Variants in PIK3C2A observed in about 807,000 individuals in gnomAD.
PIK3C2A encodes the protein phosphatidylinositol 4-phosphate 3-kinase C2 domain-containing subunit alpha.
PIK3C2A carries 97 observed loss-of-function variants against 204.5 expected under a neutral mutation model. That is an observed-to-expected ratio of 0.47 (90% confidence interval 0.40 to 0.56). The LOEUF is 0.56. Ranked by LOEUF, PIK3C2A falls within the 20% of genes least tolerant of loss-of-function variation. PIK3C2A has a pLI of 0.00. For synonymous variants in PIK3C2A, 653 were observed against 664.4 expected (o/e 0.98, Z 0.26); for missense variants, 1,735 against 1,969.2 (o/e 0.88, Z 2.25).
At chr11:17,201,538 A>G (rs1410294314) in intron 1 of PIK3C2A, among the ~76,000 whole-genome samples, 1 of 32,596 alleles carries the variant, frequency 3.1e-5, no homozygotes, top group African/African-American at 1.2e-4. Flanking sequence ...AAAAAAAAAA[A>G]AAAAAGAAAA....
At chr11:17,198,176 T>A (rs532447650) in intron 1 of PIK3C2A, among the ~76,000 whole-genome samples, 2 of 151,296 alleles carry the variant, frequency 1.3e-5, no homozygotes, top group East Asian at 3.9e-4. Flanking sequence ...TGGCACAGTC[T>A]CCGCTCATTG....
At position 17,122,820 on chromosome 11, in the gene PIK3C2A, G is replaced by A. The variant is rs200078892; in HGVS notation, c.2400-7C>T. ...AGTTCCACATGTTAAAAACCTTCAC[G>A]GATGTAAAAATAATAATGTGATTTT... On this transcript the variant is annotated splice_region_variant and splice_polypyrimidine_tract_variant and intron_variant, in intron 13 of 32. Transcript: ENST00000691414. 1.4e-5 allele frequency: 15 copies of A among 1,090,814 alleles called. No homozygotes were observed. Among genetic ancestry groups the A allele is most frequent in the African/African-American group, 6.3e-5 (4 of 63,060 alleles). The allele number at this position is 1,090,814 out of a possible 1,614,324, so 67.6% of individuals were successfully genotyped here.
At chr11:17,181,594 C>A (rs1851554440) in intron 1 of PIK3C2A, among the ~76,000 whole-genome samples, 2 of 125,144 alleles carry the variant, frequency 1.6e-5, no homozygotes, top group Non-Finnish European at 1.6e-5. Flanking sequence ...TGGTGAGATC[C>A]CATTTTTAAA....
At chr11:17,091,960 A>G in intron 30 of PIK3C2A, 36 bp downstream of exon 30, 1 of 1,292,962 alleles carries the variant, frequency 7.7e-7, no homozygotes, top group Non-Finnish European at 1.1e-6. Context: ...CTTGCAGATC[A>G]TGAGTTACCA....
chr11:17,099,774 G>C (rs1848562022), intron 26 of PIK3C2A, 86 bp downstream of exon 26: 3 of 645,766 alleles, frequency 4.6e-6, no homozygotes, highest in Non-Finnish European at 2.7e-6. Flanking sequence ...TTAGAATTTT[G>C]ATAAATAGCA....
In PIK3C2A at chr11:17,164,025, T is replaced by C. The variant is rs183512603; in HGVS notation, c.1065+4652A>G. Among the ~76,000 whole-genome samples, 306 of 152,210 alleles carry C rather than the reference T, an allele frequency of 2.0e-3. 1 individual carries two copies. Among genetic ancestry groups the C allele is most frequent in the Middle Eastern group, 6.8e-3 (2 of 294 alleles). Reference sequence around the variant, plus strand: ...ATTTCATAGATAAAGAAACTCAGATTCAGTGATTTAACTCCAATTAATATT... The same window carrying C: ...ATTTCATAGATAAAGAAACTCAGATCCAGTGATTTAACTCCAATTAATATT... On this transcript the variant is annotated intron_variant, in intron 2 of 32. Coordinates refer to ENST00000691414, the MANE Select transcript of PIK3C2A (RefSeq NM_002645.4).
chr11:17,130,586 C>T (rs1024240743), intron 12 of PIK3C2A, among the ~76,000 whole-genome samples: 34 of 151,904 alleles, frequency 2.2e-4, no homozygotes, highest in Non-Finnish European at 4.0e-4. Flanking sequence ...GGGCGGATCA[C>T]CTGAGGTCAG....
At chr11:17,094,895 T>C (rs1848408978) in intron 27 of PIK3C2A, among the ~76,000 whole-genome samples, 1 of 152,210 alleles carries the variant, frequency 6.6e-6, no homozygotes, top group Non-Finnish European at 1.5e-5. Flanking sequence ...ATTGTATTTA[T>C]AACACATCTA....
chr11:17,176,980 A>G (rs1851359567), intron 1 of PIK3C2A, among the ~76,000 whole-genome samples: 1 of 152,206 alleles, frequency 6.6e-6, no homozygotes, highest in Non-Finnish European at 1.5e-5. Context: ...TAAAGTAGCT[A>G]TTAGTATCCC....
chr11:17,181,896 A>T (rs1031252914), intron 1 of PIK3C2A, among the ~76,000 whole-genome samples: 1 of 151,868 alleles, frequency 6.6e-6, no homozygotes, highest in Non-Finnish European at 1.5e-5. Context: ...GTTCGAGACC[A>T]GCCTGACCAA....
intron 1 of PIK3C2A, among the ~76,000 whole-genome samples, chr11:17,201,908 C>T (rs1852400349): frequency 6.6e-6 from 1 of 152,136 alleles, no homozygotes; most frequent in African/African-American, 2.4e-5. Flanking sequence ...CTCCAAAAAT[C>T]TGGTTTGTAC....
intron 1 of PIK3C2A, chr11:17,194,315 G>A (rs182658726): frequency 6.4e-4 from 188 of 294,356 alleles, no homozygotes; most frequent in African/African-American, 3.9e-3. Flanking sequence ...GTAGGTATCT[G>A]CCTGCCAACG....
rs569430088 is a variant in PIK3C2A at position 17,097,027 on chromosome 11, A to G, written c.4326+30T>C. On this transcript the variant is annotated intron_variant, in intron 27 of 32. Coordinates refer to ENST00000691414, the MANE Select transcript of PIK3C2A (RefSeq NM_002645.4). ...AAAGGACAACAATAATACATGCATG[A>G]TTGTTTATGAATATTGAAATCAAAC... 140 of 1,272,490 alleles carry G rather than the reference A, an allele frequency of 1.1e-4. No individual in the cohort carries two copies. The South Asian group carries it at 1.6e-3, about 15-fold the overall frequency. 78.8% of individuals were successfully genotyped at this position (1,272,490 alleles called of 1,614,324 possible).
At chr11:17,191,800 T>C (rs566841799) in intron 1 of PIK3C2A, among the ~76,000 whole-genome samples, 2 of 152,214 alleles carry the variant, frequency 1.3e-5, no homozygotes, top group South Asian at 4.1e-4. Flanking sequence ...AGGATCTTCA[T>C]AAAAGTTTTA....
intron 19 of PIK3C2A, among the ~76,000 whole-genome samples, chr11:17,116,629 G>A (rs949947978): frequency 1.9e-4 from 29 of 150,080 alleles, no homozygotes; most frequent in African/African-American, 6.9e-4. Context: ...TTGCTCTGTC[G>A]CCCAGGCTGG....
intron 1 of PIK3C2A, among the ~76,000 whole-genome samples, chr11:17,202,847 A>T (rs1205430113): frequency 6.6e-6 from 1 of 152,222 alleles, no homozygotes; most frequent in Non-Finnish European, 1.5e-5. Context: ...AACCAAGCTC[A>T]GTGCACAGCA....
At chr11:17,197,532 G>A (rs1239383331) in intron 1 of PIK3C2A, among the ~76,000 whole-genome samples, 3 of 151,900 alleles carry the variant, frequency 2.0e-5, no homozygotes, top group Admixed American at 6.6e-5. Context: ...TCACAACCAG[G>A]GTATCTAACC....
intron 26 of PIK3C2A, among the ~76,000 whole-genome samples, chr11:17,099,306 G>C (rs1280116368): frequency 6.6e-6 from 1 of 152,188 alleles, no homozygotes; most frequent in Non-Finnish European, 1.5e-5. Context: ...GGGTTTGCTG[G>C]ATTAAAAACA....
intron 28 of PIK3C2A, among the ~76,000 whole-genome samples, chr11:17,093,833 C>T (rs1242292278): frequency 2.0e-5 from 3 of 151,862 alleles, no homozygotes; most frequent in Admixed American, 6.6e-5. Context: ...GATGGGGTTT[C>T]GCCATGGTGC....
Sources: allele counts gnomAD v4.1 joint callset (sites outside exome capture counted in the v4.1 genomes callset), GRCh38; gene constraint gnomAD v4.1.1; transcripts MANE v1.5; gene names NCBI Gene and HGNC (gene_info 2026-07-23, HGNC 2026-07-21).